The following CPPED1 variants were observed in gnomAD, a reference collection of about 807,000 sequenced individuals.
CPPED1 encodes the protein calcineurin like phosphoesterase domain containing 1.
CPPED1 carries 28 observed loss-of-function variants against 28.0 expected under a neutral mutation model. The ratio of observed to expected loss-of-function variants is 1.00; its 90% CI spans 0.74 to 1.37. CPPED1 has a LOEUF of 1.37. CPPED1 is among the 40% of genes most tolerant of loss of function. CPPED1 has a pLI of 0.00. For missense variants in CPPED1, 504 were observed against 416.5 expected, an observed-to-expected ratio of 1.21 and a Z score of -1.83; for synonymous variants, 198 against 180.2, an observed-to-expected ratio of 1.10 and a Z score of -0.79.
chr16:12,791,269 A>G (rs1596487015), intron 1 of CPPED1, among the ~76,000 whole-genome samples: 6 of 151,766 alleles, frequency 4.0e-5, no homozygotes, highest in East Asian at 1.9e-4. Context: ...CCTGTGTCCA[A>G]GTGTTCTCAT....
intron 2 of CPPED1, among the ~76,000 whole-genome samples, chr16:12,761,982 T>A (rs528557924): frequency 1.4e-3 from 214 of 150,220 alleles, no homozygotes; most frequent in Non-Finnish European, 2.3e-3. Context: ...ACCACTGTAC[T>A]CCAGCCTAGG....
At chr16:12,704,521 T>C in intron 3 of CPPED1, 103 bp downstream of exon 3, 1 of 1,261,356 alleles carries the variant, frequency 7.9e-7, no homozygotes, top group Non-Finnish European at 1.1e-6. Context: ...GGCCTAGTCC[T>C]CTCTCCCTTT....
intron 2 of CPPED1, among the ~76,000 whole-genome samples, chr16:12,710,800 C>T (rs2080076010): frequency 6.6e-6 from 1 of 152,136 alleles, no homozygotes; most frequent in African/African-American, 2.4e-5. Context: ...CCACTTCATA[C>T]CCATGAGGAT....
At chr16:12,771,310 T>C (rs1225093828) in intron 2 of CPPED1, among the ~76,000 whole-genome samples, 1 of 152,240 alleles carries the variant, frequency 6.6e-6, no homozygotes, top group African/African-American at 2.4e-5. Flanking sequence ...ATTGACTATT[T>C]ATTCATGTGT....
intron 3 of CPPED1, among the ~76,000 whole-genome samples, chr16:12,669,853 A>G (rs1175297584): frequency 2.0e-5 from 3 of 152,194 alleles, no homozygotes; most frequent in Non-Finnish European, 2.9e-5. Flanking sequence ...GTGTTGCCAG[A>G]AAGGATAGTG....
intron 2 of CPPED1, among the ~76,000 whole-genome samples, chr16:12,778,574 C>A (rs978843281): frequency 2.0e-5 from 3 of 152,192 alleles, no homozygotes; most frequent in African/African-American, 7.2e-5. Context: ...CTGTGCCTGG[C>A]CAGGGCCAAG....
intron 2 of CPPED1, among the ~76,000 whole-genome samples, chr16:12,748,882 C>A (rs1379285017): frequency 1.3e-3 from 174 of 134,932 alleles, no homozygotes; most frequent in Middle Eastern, 3.8e-3. Flanking sequence ...GACTCCATCT[C>A]AAAAAAAAAA....
intron 3 of CPPED1, among the ~76,000 whole-genome samples, chr16:12,694,776 C>A (rs1019291056): frequency 2.1e-5 from 3 of 144,092 alleles, no homozygotes; most frequent in Non-Finnish European, 4.6e-5. Context: ...TTTTTAAAAA[C>A]CCCCCCCTTT....
rs773179549 is a variant in CPPED1 at position 12,665,072 on chromosome 16, C to T, written c.759G>A (p.Gly253=). 3.7e-6 allele frequency: 6 copies of T among 1,606,340 alleles called. No individual in the cohort carries two copies. The highest frequency in any genetic ancestry group is 5.1e-6 in the Non-Finnish European group (6 of 1,177,778). ...CCATGTCGAGGTTCTGGTAGGTACCCCCGGCATTCCTGTGGTAGTGGCCTG... is the reference window on the plus strand; with the variant it reads ...CCATGTCGAGGTTCTGGTAGGTACCTCCGGCATTCCTGTGGTAGTGGCCTG... The part of the protein sequence containing the change: ...VFSGHYHRNA[G]GTYQNLDMVV... The change falls in exon 4 of 4, where the codon GGG becomes GGA. Residue 253 remains glycine (G), a synonymous_variant. Transcript: ENST00000381774.
At chr16:12,736,063 T>G (rs1174265077) in intron 2 of CPPED1, among the ~76,000 whole-genome samples, 4 of 152,128 alleles carry the variant, frequency 2.6e-5, no homozygotes, top group Non-Finnish European at 5.9e-5. Flanking sequence ...GCTTGGTGCC[T>G]GGCACTTCTG....
rs939036045 is a variant in CPPED1 at position 12,661,299 on chromosome 16, C to CTTG, written c.*3584_*3586dup. The CTTG allele has an allele frequency of 3.9e-5, 6 of 152,198 alleles. No homozygotes were observed. The highest frequency in any genetic ancestry group is 1.4e-4 in the African/African-American group (6 of 41,438). The allele number at this position is 152,198 out of a possible 1,614,324, so 9.4% of individuals were successfully genotyped here. A position where few individuals can be genotyped will look rare whatever the true frequency, so the allele number is the denominator to read the frequency against. The stretch of plus-strand genomic sequence containing the variant: ...AGTCTAATTCAGATTTAAACTAGTG[C>CTTG]TTGCCTTGTAACTCTGCAAGTGATC... On this transcript the variant is annotated 3_prime_UTR_variant, in exon 4 of 4. Transcript: ENST00000381774.
intron 2 of CPPED1, among the ~76,000 whole-genome samples, chr16:12,766,874 A>G (rs371978689): frequency 1.6e-4 from 24 of 152,324 alleles, no homozygotes; most frequent in African/African-American, 5.1e-4. Flanking sequence ...TCAGACTGCC[A>G]TAGCCGATTT....
chr16:12,725,045 CAA>C (rs1179871900), intron 2 of CPPED1, among the ~76,000 whole-genome samples: 1 of 152,116 alleles, frequency 6.6e-6, no homozygotes, highest in East Asian at 1.9e-4. Context: ...CTTGGCCTCC[CAA>C]AGTGCTGGGA....
At chr16:12,749,422 T>C (rs1193772482) in intron 2 of CPPED1, among the ~76,000 whole-genome samples, 1 of 152,214 alleles carries the variant, frequency 6.6e-6, no homozygotes, top group Non-Finnish European at 1.5e-5. Context: ...CAGTCACATC[T>C]TCAGACTCCA....
intron 3 of CPPED1, among the ~76,000 whole-genome samples, chr16:12,677,073 G>A (rs2079881490): frequency 6.6e-6 from 1 of 152,178 alleles, no homozygotes; most frequent in African/African-American, 2.4e-5. Context: ...AGTGTGTCTA[G>A]GAAGCAGCAG....
intron 3 of CPPED1, among the ~76,000 whole-genome samples, chr16:12,692,537 C>T (rs999623697): frequency 5.9e-5 from 9 of 152,236 alleles, no homozygotes; most frequent in Non-Finnish European, 1.3e-4. Context: ...AAACCCACCG[C>T]ACCTGCTTCA....
At position 12,744,755 on chromosome 16, in the gene CPPED1, C is replaced by A. The variant is rs1209665636; in HGVS notation, c.289+36430G>T. On this transcript the variant is annotated intron_variant, in intron 2 of 3. Coordinates refer to ENST00000381774, the MANE Select transcript of CPPED1 (RefSeq NM_018340.3). Reference sequence around the variant, plus strand: ...CAGTACTTTGGGAGGCCGAGGCAGGCAGACTGCTTGAGCTCACAAGTTCAA... The same window carrying A: ...CAGTACTTTGGGAGGCCGAGGCAGGAAGACTGCTTGAGCTCACAAGTTCAA... Among the ~76,000 whole-genome samples the A allele has an allele frequency of 2.6e-5, 4 of 152,150 alleles. No individual in the cohort carries two copies. The East Asian group carries it at 5.8e-4, about 22-fold the overall frequency.
intron 3 of CPPED1, among the ~76,000 whole-genome samples, chr16:12,667,926 T>C (rs11866956): frequency 0.018 from 2,757 of 152,224 alleles, 100 homozygotes; most frequent in African/African-American, 0.064. Flanking sequence ...CCTACTGACA[T>C]ATGGTGCAAT....
At chr16:12,737,495 C>A (rs1055775962) in intron 2 of CPPED1, among the ~76,000 whole-genome samples, 7 of 152,196 alleles carry the variant, frequency 4.6e-5, no homozygotes, top group Non-Finnish European at 7.3e-5. Context: ...ATGCAGGGAC[C>A]TGTCTGGATT....
Sources: allele counts gnomAD v4.1 joint callset (sites outside exome capture counted in the v4.1 genomes callset), GRCh38; gene constraint gnomAD v4.1.1; transcripts MANE v1.5; gene names NCBI Gene and HGNC (gene_info 2026-07-23, HGNC 2026-07-21).